Variants in SLAIN2 observed in about 807,000 individuals in gnomAD.
SLAIN2 encodes SLAIN motif-containing protein 2.
Under a neutral mutation model 56.6 loss-of-function variants are expected in SLAIN2, and 31 were observed. That is an observed-to-expected ratio of 0.55 (90% CI 0.41 to 0.74). SLAIN2 has a LOEUF of 0.74. SLAIN2 is among the 30% of genes least tolerant of loss of function. SLAIN2 has a pLI of 0.00. For synonymous variants in SLAIN2, 317 were observed against 284.9 expected (o/e 1.11, Z -1.13); for missense variants, 777 against 754.2 (o/e 1.03, Z -0.35).
chr4:48,393,245 A>G (rs1399971470), intron 6 of SLAIN2, among the ~76,000 whole-genome samples: 2 of 152,090 alleles, frequency 1.3e-5, no homozygotes, highest in African/African-American at 2.4e-5. Flanking sequence ...ATTAAGGCAG[A>G]GCCTTGCTTC....
chr4:48,385,542 C>G (rs1435669392), intron 6 of SLAIN2, among the ~76,000 whole-genome samples: 1 of 152,152 alleles, frequency 6.6e-6, no homozygotes, highest in Non-Finnish European at 1.5e-5. Context: ...AGAAGTGATA[C>G]AAACGAGTTT....
intron 6 of SLAIN2, among the ~76,000 whole-genome samples, chr4:48,396,906 T>C (rs1716406655): frequency 6.6e-6 from 1 of 152,224 alleles, no homozygotes; most frequent in Non-Finnish European, 1.5e-5. Context: ...ACTCCATAAA[T>C]ATTTGTTGAA....
intron 1 of SLAIN2, 144 bp from the exon 2 acceptor site, chr4:48,369,705 G>T: frequency 1.6e-6 from 1 of 643,834 alleles, no homozygotes; most frequent in South Asian, 3.3e-5. Flanking sequence ...TTCTTCCTGT[G>T]CAGTAAGTAA....
intron 1 of SLAIN2, 128 bp downstream of exon 1, chr4:48,342,256 G>T: frequency 8.3e-7 from 1 of 1,200,562 alleles, no homozygotes; most frequent in South Asian, 2.4e-5. Flanking sequence ...GGCGACTTGT[G>T]GTTTTCTTGC....
At chr4:48,391,345 TTAAG>T (rs1716231957) in intron 6 of SLAIN2, among the ~76,000 whole-genome samples, 1 of 152,204 alleles carries the variant, frequency 6.6e-6, no homozygotes, top group Non-Finnish European at 1.5e-5. Context: ...GCTTTCCTAA[TTAAG>T]TCTTACATGA....
intron 1 of SLAIN2, among the ~76,000 whole-genome samples, chr4:48,343,829 G>T (rs540422578): frequency 1.3e-5 from 2 of 152,304 alleles, no homozygotes; most frequent in South Asian, 4.1e-4. Flanking sequence ...GCTGACTGTG[G>T]TAGTGACAGT....
intron 1 of SLAIN2, among the ~76,000 whole-genome samples, chr4:48,345,905 C>A (rs1191410497): frequency 6.6e-6 from 1 of 152,126 alleles, no homozygotes; most frequent in African/African-American, 2.4e-5. Context: ...TAATACCAGT[C>A]CATTAATCAA....
At chr4:48,395,595 G>A (rs1410055423) in intron 6 of SLAIN2, among the ~76,000 whole-genome samples, 2 of 152,070 alleles carry the variant, frequency 1.3e-5, no homozygotes, top group African/African-American at 4.8e-5. Context: ...GGATTTGAAG[G>A]TAAGTCAAAT....
intron 6 of SLAIN2, among the ~76,000 whole-genome samples, chr4:48,402,077 G>A (rs13105385): frequency 0.58 from 88,423 of 152,014 alleles, 26,277 homozygotes; most frequent in South Asian, 0.71. Flanking sequence ...CTTTTCTTAA[G>A]GAATGTTGAA....
chr4:48,380,528 A>C (rs1010943336), intron 4 of SLAIN2, among the ~76,000 whole-genome samples: 3 of 152,168 alleles, frequency 2.0e-5, no homozygotes, highest in Non-Finnish European at 2.9e-5. Flanking sequence ...TTTTTAGGCC[A>C]CAGATACCTT....
intron 6 of SLAIN2, among the ~76,000 whole-genome samples, chr4:48,399,354 G>A (rs1412576304): frequency 1.3e-5 from 2 of 152,142 alleles, no homozygotes; most frequent in African/African-American, 4.8e-5. Flanking sequence ...CATTGATTTT[G>A]TATCTTGGGA....
At chr4:48,396,375 G>T (rs1260229398) in intron 6 of SLAIN2, among the ~76,000 whole-genome samples, 7 of 152,112 alleles carry the variant, frequency 4.6e-5, no homozygotes, top group Admixed American at 4.6e-4. Flanking sequence ...TGTGACGTGG[G>T]CATTATCATT....
At chr4:48,420,654 TCCAGTTGC>T (rs2109791735) in intron 7 of SLAIN2, among the ~76,000 whole-genome samples, 1 of 152,328 alleles carries the variant, frequency 6.6e-6, no homozygotes, top group African/African-American at 2.4e-5. Context: ...ATTAAATTTG[TCCAGTTGC>T]CTAACGTGAT....
intron 3 of SLAIN2, 112 bp from the exon 4 acceptor site, chr4:48,379,578 C>G (rs1298891164): frequency 2.1e-6 from 2 of 948,980 alleles, no homozygotes; most frequent in Admixed American, 8.5e-5. Context: ...GCAGAAAAGG[C>G]AGAACAAGAA....
Position 48,423,275 on chromosome 4 carries a change from TAAAA to T in SLAIN2, c.*1205_*1208del. The T allele has an allele frequency of 6.7e-6, 1 of 149,866 alleles. No homozygotes were observed. Among genetic ancestry groups the T allele is most frequent in the South Asian group, 2.1e-4 (1 of 4,752 alleles). 9.3% of individuals were successfully genotyped at this position (149,866 alleles called of 1,614,324 possible). ...CTTACATCAATTTTTGCATTTTTGGTAAAAAAAAAACCCTACTACGTATGACTCT... is the reference window on the plus strand; with the variant it reads ...CTTACATCAATTTTTGCATTTTTGGTAAAAAACCCTACTACGTATGACTCT... On this transcript the variant is annotated 3_prime_UTR_variant, in exon 8 of 8. Transcript: ENST00000264313.
At chr4:48,385,896 G>T (rs1396998872) in intron 6 of SLAIN2, among the ~76,000 whole-genome samples, 1 of 151,470 alleles carries the variant, frequency 6.6e-6, no homozygotes, top group Non-Finnish European at 1.5e-5. Context: ...GCTAGCAGGA[G>T]TTTGAGACCA....
At chr4:48,399,301 G>A (rs1012389541) in intron 6 of SLAIN2, among the ~76,000 whole-genome samples, 12 of 151,992 alleles carry the variant, frequency 7.9e-5, no homozygotes, top group Admixed American at 1.3e-4. Flanking sequence ...TTGGCCCTCC[G>A]CTTGCCTGTT....
intron 2 of SLAIN2, 39 bp downstream of exon 2, chr4:48,370,036 T>G (rs1715623848): frequency 2.5e-6 from 4 of 1,594,490 alleles, no homozygotes; most frequent in Non-Finnish European, 3.4e-6. Flanking sequence ...ATCTCTTTGC[T>G]TTCTTTAGTC....
At chr4:48,418,093 C>G (rs1181434216) in intron 6 of SLAIN2, among the ~76,000 whole-genome samples, 1 of 148,350 alleles carries the variant, frequency 6.7e-6, no homozygotes, top group African/African-American at 2.5e-5. Flanking sequence ...CTTCTTCTTC[C>G]TCTTCCTCCT....
Sources: gnomAD v4.1 joint callset for allele counts (sites outside exome capture counted in the v4.1 genomes callset) on GRCh38, gnomAD v4.1.1 for gene constraint, MANE v1.5 for transcripts, NCBI Gene and HGNC (gene_info 2026-07-23, HGNC 2026-07-21) for gene names.